Variants in PAK3 observed in about 807,000 individuals in gnomAD.
PAK3 encodes p21 (RAC1) activated kinase 3.
Under a neutral mutation model 41.0 loss-of-function variants are expected in PAK3, and 4 were observed. That is an observed-to-expected ratio of 0.10 (90% confidence interval 0.05 to 0.22). The LOEUF (loss-of-function observed/expected upper bound fraction) is 0.22. Ranked by LOEUF, PAK3 falls within the 10% of genes least tolerant of loss-of-function variation. PAK3 has a pLI of 1.00. For synonymous variants in PAK3, 146 were observed against 139.6 expected (o/e 1.05, Z -0.32); for missense variants, 205 against 409.9 (o/e 0.50, Z 4.32).
At chrX:111,001,471 G>A (rs771039393) in intron 1 of PAK3, among the ~76,000 whole-genome samples, 3 of 112,282 alleles carry the variant, frequency 2.7e-5, no homozygotes, top group Non-Finnish European at 3.8e-5. Context: ...CACACAGCCT[G>A]TGACATCTTC....
At chrX:111,169,320 C>A in intron 10 of PAK3, 1 of 180,963 alleles carries the variant, frequency 5.5e-6, no homozygotes, top group South Asian at 1.1e-4. Context: ...CTTAAGTGAA[C>A]CAGGAAGATC....
chrX:111,179,342 A>G (rs2094441779), intron 11 of PAK3, among the ~76,000 whole-genome samples: 1 of 110,200 alleles, frequency 9.1e-6, no homozygotes, highest in African/African-American at 3.3e-5. Context: ...TAACATTAAG[A>G]CTATTGTTTT....
At position 111,010,979 on chromosome X, in the gene PAK3, T is replaced by C. The variant is rs139168488; in HGVS notation, c.-28+66351T>C. ...AGCCTTATAAGATGTCTTCTGCCTG[T>C]TCTAGTTTTGAAAAATCACAGCCTA... On this transcript the variant is annotated intron_variant, in intron 1 of 14. Coordinates refer to the PAK3 transcript ENST00000425146. 8.0e-5 allele frequency among the ~76,000 whole-genome samples: 9 copies of C among 111,997 alleles called. No individual in the cohort carries two copies. The East Asian group carries it at 2.3e-3, about 28-fold the overall frequency.
At chrX:111,107,874 T>A (rs2093302058) in intron 4 of PAK3, among the ~76,000 whole-genome samples, 2 of 112,210 alleles carry the variant, frequency 1.8e-5, no homozygotes, top group Non-Finnish European at 3.8e-5. Context: ...GAACATCTTA[T>A]CAATACAGAC....
chrX:111,136,164 T>C (rs768059043), intron 5 of PAK3, among the ~76,000 whole-genome samples: 1 of 111,477 alleles, frequency 9.0e-6, no homozygotes, highest in East Asian at 2.8e-4. Flanking sequence ...ATGCTGAAAG[T>C]AAGGGAGGAG....
intron 5 of PAK3, among the ~76,000 whole-genome samples, chrX:111,138,370 A>G (rs1030059836): frequency 1.8e-5 from 2 of 111,310 alleles, no homozygotes; most frequent in African/African-American, 6.6e-5. Context: ...TACACTCTTT[A>G]CTGTCAAGTA....
intron 11 of PAK3, among the ~76,000 whole-genome samples, chrX:111,189,468 G>T (rs1192171874): frequency 8.9e-6 from 1 of 111,887 alleles, no homozygotes; most frequent in East Asian, 2.8e-4. Flanking sequence ...TCAAATGGTA[G>T]TTCCGTTTTA....
chrX:110,959,879 A>G (rs756920536), intron 1 of PAK3, among the ~76,000 whole-genome samples: 129 of 112,133 alleles, frequency 1.2e-3, no homozygotes, highest in African/African-American at 4.0e-3. Context: ...AACTAAATTC[A>G]TTGTTTTTTT....
chrX:110,969,094 A>ATTTTTTTTTTTTTTTT lies in PAK3; in HGVS notation c.-28+24476_-28+24491dup, dbSNP rs60724970. On this transcript the variant is annotated intron_variant, in intron 1 of 14. Transcript: ENST00000425146. ...AGGCATGTGCTACCAGACCTGCCTA[A>ATTTTTTTTTTTTTTTT]TTTTTTTTTTTTTTTTTTTTTTTTT... is the stretch of plus-strand genomic sequence containing the variant. 4.3e-3 allele frequency among the ~76,000 whole-genome samples: 176 copies of ATTTTTTTTTTTTTTTT among 40,600 alleles called. 3 individuals are homozygous for ATTTTTTTTTTTTTTTT. Among genetic ancestry groups the ATTTTTTTTTTTTTTTT allele is most frequent in the Non-Finnish European group, 4.5e-3 (112 of 24,754 alleles). 35.3% of individuals were successfully genotyped at this position (40,600 alleles called of 115,157 possible). A position where few individuals can be genotyped will look rare whatever the true frequency, so the allele number is the denominator to read the frequency against.
chrX:111,213,564 G>A (rs1409969232), intron 16 of PAK3, among the ~76,000 whole-genome samples: 1 of 111,850 alleles, frequency 8.9e-6, no homozygotes, highest in East Asian at 2.8e-4. Context: ...AGTAAAGTGA[G>A]AAAATGAGAC....
At chrX:110,982,646 G>A (rs1213177571) in intron 1 of PAK3, among the ~76,000 whole-genome samples, 1 of 111,805 alleles carries the variant, frequency 8.9e-6, no homozygotes, top group African/African-American at 3.3e-5. Context: ...GAGGCAAGGC[G>A]ACCATAGCAT....
At chrX:111,144,937 A>T (rs1387037366) in intron 6 of PAK3, 17 of 954,486 alleles carry the variant, frequency 1.8e-5, no homozygotes, top group Non-Finnish European at 2.5e-5. Context: ...GAGTGATATA[A>T]ATTATCATTT....
chrX:111,183,733 T>C (rs761899618), intron 11 of PAK3, among the ~76,000 whole-genome samples: 5 of 111,870 alleles, frequency 4.5e-5, no homozygotes, highest in Non-Finnish European at 9.4e-5. Flanking sequence ...GAAACTGACC[T>C]GCTTTATGAG....
intron 16 of PAK3, among the ~76,000 whole-genome samples, chrX:111,211,008 G>A (rs192442766): frequency 9.8e-5 from 11 of 111,774 alleles, no homozygotes; most frequent in Admixed American, 7.6e-4. Flanking sequence ...AGAGGAGATG[G>A]CATTTTAACC....
intron 1 of PAK3, among the ~76,000 whole-genome samples, chrX:111,030,955 G>A (rs1454745334): frequency 9.0e-6 from 1 of 111,074 alleles, no homozygotes; most frequent in Non-Finnish European, 1.9e-5. Context: ...TTAGAATTTG[G>A]CAACTGGCGA....
chrX:111,144,252 A>G, intron 6 of PAK3, among the ~76,000 whole-genome samples: 1 of 111,961 alleles, frequency 8.9e-6, no homozygotes, highest in Non-Finnish European at 1.9e-5. Context: ...TTGAAATAAG[A>G]TAGCTGTTCG....
At chrX:110,976,078 A>G (rs1452424350) in intron 1 of PAK3, among the ~76,000 whole-genome samples, 1 of 112,357 alleles carries the variant, frequency 8.9e-6, no homozygotes, top group Non-Finnish European at 1.9e-5. Context: ...AAACACCAAA[A>G]GCAATGGCAA....
chrX:111,006,988 A>G (rs943789496), intron 1 of PAK3, among the ~76,000 whole-genome samples: 1 of 107,849 alleles, frequency 9.3e-6, no homozygotes, highest in Non-Finnish European at 1.9e-5. Flanking sequence ...TGTTGAGTTT[A>G]CAGGCATGAG....
At chrX:111,009,452 A>T (rs1179800928) in intron 1 of PAK3, among the ~76,000 whole-genome samples, 1 of 107,561 alleles carries the variant, frequency 9.3e-6, no homozygotes, top group Non-Finnish European at 1.9e-5. Flanking sequence ...GCACACCTGA[A>T]AGCAGGCACA....
Sources: gnomAD v4.1 joint callset for allele counts (sites outside exome capture counted in the v4.1 genomes callset) on GRCh38, gnomAD v4.1.1 for gene constraint, MANE v1.5 for transcripts, NCBI Gene and HGNC (gene_info 2026-07-23, HGNC 2026-07-21) for gene names.